The following FAM53B variants were observed in gnomAD, a reference collection of about 807,000 sequenced individuals.
FAM53B encodes the protein protein FAM53B.
A neutral mutation model predicts 32.7 loss-of-function variants in FAM53B; 12 were observed. The ratio of observed to expected loss-of-function variants is 0.37; its 90% CI spans 0.24 to 0.59. The LOEUF (loss-of-function observed/expected upper bound fraction) is 0.59, where lower values mean the gene tolerates loss of function less well. Ranked by LOEUF, FAM53B falls within the 20% of genes least tolerant of loss-of-function variation. The pLI, the probability that FAM53B is intolerant of heterozygous loss-of-function variation, is 0.72. For missense variants in FAM53B, 477 were observed against 577.7 expected, an observed-to-expected ratio of 0.83 and a Z score of 1.79; for synonymous variants, 234 against 228.7, an observed-to-expected ratio of 1.02 and a Z score of -0.21.
intron 4 of FAM53B, chr10:124,667,063 A>C: frequency 1.4e-5 from 4 of 293,338 alleles, no homozygotes; most frequent in South Asian, 3.7e-5. Flanking sequence ...CCCGTACCCC[A>C]AAGCCCCACT....
intron 4 of FAM53B, among the ~76,000 whole-genome samples, chr10:124,637,242 T>C (rs901340472): frequency 6.6e-6 from 1 of 152,072 alleles, no homozygotes; most frequent in African/African-American, 2.4e-5. Flanking sequence ...CCTCACAGGG[T>C]CCGCAGGTGG....
At chr10:124,680,674 C>T (rs923626987) in intron 4 of FAM53B, among the ~76,000 whole-genome samples, 4 of 152,164 alleles carry the variant, frequency 2.6e-5, no homozygotes, top group Non-Finnish European at 5.9e-5. Flanking sequence ...TCTTCGTCAA[C>T]AAGAAGATCT....
intron 4 of FAM53B, among the ~76,000 whole-genome samples, chr10:124,672,175 C>T (rs754475368): frequency 2.0e-5 from 3 of 152,266 alleles, no homozygotes; most frequent in Non-Finnish European, 2.9e-5. Context: ...CAAAGGGCAG[C>T]AGCCTGCATG....
chr10:124,701,801 G>A (rs1039150821), intron 2 of FAM53B, among the ~76,000 whole-genome samples: 1 of 152,240 alleles, frequency 6.6e-6, no homozygotes, highest in Admixed American at 6.5e-5. Flanking sequence ...CCCCCAGGCA[G>A]GTGGGCCCTG....
intron 4 of FAM53B, among the ~76,000 whole-genome samples, chr10:124,653,799 G>A (rs1462504267): frequency 1.3e-5 from 2 of 152,230 alleles, no homozygotes; most frequent in Admixed American, 6.5e-5. Flanking sequence ...CCAAGGTGCT[G>A]GACAGATGGG....
intron 2 of FAM53B, chr10:124,705,579 G>A (rs1353456170): frequency 6.6e-6 from 1 of 152,328 alleles, no homozygotes; most frequent in Non-Finnish European, 1.5e-5. Context: ...CAGCTCTCCA[G>A]ACACCCTCCC....
At chr10:124,639,545 G>A (rs762152856) in intron 4 of FAM53B, among the ~76,000 whole-genome samples, 2 of 152,174 alleles carry the variant, frequency 1.3e-5, no homozygotes, top group Non-Finnish European at 2.9e-5. Context: ...GGCCCAGGGT[G>A]CTTGGCAGGT....
chr10:124,679,295 C>T (rs1463236227), intron 4 of FAM53B, among the ~76,000 whole-genome samples: 2 of 152,208 alleles, frequency 1.3e-5, no homozygotes, highest in Non-Finnish European at 2.9e-5. Context: ...CACGCAGAGG[C>T]TGGGGTCTGT....
At chr10:124,675,051 C>A (rs1949728918) in intron 4 of FAM53B, among the ~76,000 whole-genome samples, 1 of 152,262 alleles carries the variant, frequency 6.6e-6, no homozygotes, top group African/African-American at 2.4e-5. Context: ...GCCTCCTTAG[C>A]AGTCCCCAGA....
At position 124,623,887 on chromosome 10, in the gene FAM53B, C is replaced by A. The variant is rs550371420; in HGVS notation, c.907-283G>T. Reference sequence around the variant, plus strand: ...ATGCAGACCCAGTTCTGGGGGGCTGCGGTGAAACAGGAATGCTCCTAACAC... The same window carrying A: ...ATGCAGACCCAGTTCTGGGGGGCTGAGGTGAAACAGGAATGCTCCTAACAC... On this transcript the variant is annotated intron_variant, in intron 4 of 4. Coordinates refer to ENST00000337318, the MANE Select transcript of FAM53B (RefSeq NM_014661.4). 703 of 415,886 alleles carry A rather than the reference C, an allele frequency of 1.7e-3. 2 individuals carry two copies. The highest frequency in any genetic ancestry group is 2.6e-3 in the Non-Finnish European group (611 of 232,494). The allele number at this position is 415,886 out of a possible 1,614,324, so 25.8% of individuals were successfully genotyped here.
intron 4 of FAM53B, among the ~76,000 whole-genome samples, chr10:124,643,005 G>A (rs1362576775): frequency 1.3e-5 from 2 of 152,194 alleles, no homozygotes; most frequent in African/African-American, 4.8e-5. Context: ...GGGACCTGTC[G>A]AGGCAGAATC....
intron 4 of FAM53B, among the ~76,000 whole-genome samples, chr10:124,667,976 G>A (rs1450626416): frequency 6.6e-6 from 1 of 152,126 alleles, no homozygotes; most frequent in Non-Finnish European, 1.5e-5. Flanking sequence ...GGCTGGTGAG[G>A]GGCACACCAA....
intron 4 of FAM53B, among the ~76,000 whole-genome samples, chr10:124,624,943 G>T (rs1402006630): frequency 1.3e-5 from 2 of 152,216 alleles, no homozygotes; most frequent in East Asian, 3.9e-4. Flanking sequence ...GCGCACAGAG[G>T]GCAGGGGGGA....
At chr10:124,650,381 T>C (rs1949548576) in intron 4 of FAM53B, among the ~76,000 whole-genome samples, 1 of 152,192 alleles carries the variant, frequency 6.6e-6, no homozygotes, top group Non-Finnish European at 1.5e-5. Context: ...CGCTGGATGA[T>C]GACAATGATG....
chr10:124,633,544 T>C (rs1047862952), intron 4 of FAM53B, among the ~76,000 whole-genome samples: 10 of 152,204 alleles, frequency 6.6e-5, no homozygotes, highest in African/African-American at 2.4e-4. Context: ...CCATATAATA[T>C]GCCAAAACAC....
intron 4 of FAM53B, among the ~76,000 whole-genome samples, chr10:124,658,878 G>A (rs536715396): frequency 1.3e-5 from 2 of 152,344 alleles, no homozygotes; most frequent in African/African-American, 2.4e-5. Flanking sequence ...TGCCCCCACT[G>A]AGGCTGCGCT....
Position 124,623,230 on chromosome 10 carries a change from G to T in FAM53B, c.*12C>A, listed in dbSNP as rs1435664436. Reference sequence around the variant, plus strand: ...GCCAGCACACCCCAGCCCTGCCTGGGCCCACACCCCCTCAGTTCTTCTCTA... The same window carrying T: ...GCCAGCACACCCCAGCCCTGCCTGGTCCCACACCCCCTCAGTTCTTCTCTA... On this transcript the variant is annotated 3_prime_UTR_variant, in exon 5 of 5. Coordinates refer to ENST00000337318, the MANE Select transcript of FAM53B (RefSeq NM_014661.4). The T allele has an allele frequency of 1.3e-6, 2 of 1,576,456 alleles. No individual in the cohort carries two copies. Among genetic ancestry groups the T allele is most frequent in the East Asian group, 4.5e-5 (2 of 44,440 alleles).
At chr10:124,661,570 C>T (rs548864478) in intron 4 of FAM53B, among the ~76,000 whole-genome samples, 1 of 152,310 alleles carries the variant, frequency 6.6e-6, no homozygotes, top group Admixed American at 6.5e-5. Flanking sequence ...AGCCACTGTC[C>T]CGCACTGCGA....
intron 1 of FAM53B, among the ~76,000 whole-genome samples, chr10:124,732,542 C>T (rs1255984832): frequency 6.6e-6 from 1 of 152,198 alleles, no homozygotes; most frequent in Non-Finnish European, 1.5e-5. Flanking sequence ...AAGGACTCAC[C>T]TGAACCTCAC....
Sources: gnomAD v4.1 joint callset for allele counts (sites outside exome capture counted in the v4.1 genomes callset) on GRCh38, gnomAD v4.1.1 for gene constraint, MANE v1.5 for transcripts, NCBI Gene and HGNC (gene_info 2026-07-23, HGNC 2026-07-21) for gene names.